The following MTUS2 variants were observed in gnomAD, a reference collection of about 807,000 sequenced individuals.
The protein encoded by MTUS2 is microtubule associated scaffold protein 2, also known as microtubule-associated tumor suppressor candidate 2.
Under a neutral mutation model 114.1 loss-of-function variants are expected in MTUS2, and 40 were observed. The observed-to-expected ratio is 0.35, with a 90% CI of 0.27 to 0.46. The LOEUF (loss-of-function observed/expected upper bound fraction) is 0.46. MTUS2 is among the 20% of genes least tolerant of loss of function. The pLI is 1.00. For missense variants in MTUS2, 1,679 were observed against 1,705.4 expected, an observed-to-expected ratio of 0.98 and a Z score of 0.27; for synonymous variants, 688 against 672.0, an observed-to-expected ratio of 1.02 and a Z score of -0.37.
At chr13:28,906,849 C>A (rs1049118830) in intron 2 of MTUS2, among the ~76,000 whole-genome samples, 1 of 151,552 alleles carries the variant, frequency 6.6e-6, no homozygotes, top group Non-Finnish European at 1.5e-5. Flanking sequence ...TCCAGGAGAA[C>A]TTCCCCAATC....
At chr13:29,259,030 G>T (rs1259252790) in intron 5 of MTUS2, among the ~76,000 whole-genome samples, 4 of 152,226 alleles carry the variant, frequency 2.6e-5, no homozygotes, top group Non-Finnish European at 5.9e-5. Flanking sequence ...TGAGTTCTAA[G>T]TTCTATGAAT....
At chr13:29,425,413 A>G (rs1324446858) in intron 8 of MTUS2, among the ~76,000 whole-genome samples, 4 of 152,082 alleles carry the variant, frequency 2.6e-5, no homozygotes, top group South Asian at 2.1e-4. Context: ...CTCAACAAAC[A>G]AACAAACAAA....
intron 8 of MTUS2, among the ~76,000 whole-genome samples, chr13:29,412,499 A>G (rs1257851811): frequency 2.0e-5 from 3 of 152,174 alleles, no homozygotes; most frequent in African/African-American, 4.8e-5. Flanking sequence ...ATCTGTATTC[A>G]TGAGTGACAT....
intron 5 of MTUS2, among the ~76,000 whole-genome samples, chr13:29,226,221 A>G (rs1247883647): frequency 6.6e-6 from 1 of 152,228 alleles, no homozygotes; most frequent in Non-Finnish European, 1.5e-5. Flanking sequence ...TAAAAGATAC[A>G]TGTTTAAAAG....
intron 2 of MTUS2, among the ~76,000 whole-genome samples, chr13:28,999,996 C>T (rs1213868641): frequency 6.6e-6 from 1 of 152,144 alleles, no homozygotes; most frequent in Non-Finnish European, 1.5e-5. Flanking sequence ...TGTATATCTA[C>T]CACATTTTCT....
Position 29,480,340 on chromosome 13 carries a change from C to A in MTUS2, c.3375C>A (p.Ser1125Arg). 6.5e-7 allele frequency: 1 copy of A among 1,541,978 alleles called. No individual in the cohort carries two copies. Among genetic ancestry groups the A allele is most frequent in the South Asian group, 1.2e-5 (1 of 81,746 alleles). ...LQEEHGDQLL[S>R]IRCQHQEQVE... The stretch of plus-strand genomic sequence containing the variant: ...AGGAGCACGGTGACCAGCTGCTGAG[C>A]ATCCGGTGTCAACACCAGGAGCAGG... Residue 1125 changes from serine (S) to arginine (R), a missense_variant, in exon 10 of 16, where the codon AGC (serine) becomes AGA (arginine). Transcript: ENST00000612955. The surrounding 1 kb of genome is among the most constrained non-coding windows in gnomAD (Gnocchi z 4.4).
intron 4 of MTUS2, among the ~76,000 whole-genome samples, chr13:29,056,718 C>G (rs531602157): frequency 6.6e-6 from 1 of 152,064 alleles, no homozygotes; most frequent in African/African-American, 2.4e-5. Context: ...ATTAATCTAG[C>G]TAGTGGTCTA....
intron 5 of MTUS2, among the ~76,000 whole-genome samples, chr13:29,121,624 G>A (rs1244449785): frequency 1.3e-5 from 2 of 151,406 alleles, no homozygotes; most frequent in East Asian, 3.9e-4. Context: ...TCAAATCCCT[G>A]CTCTGCTAGT....
chr13:29,474,327 A>G (rs1367432696), intron 9 of MTUS2, among the ~76,000 whole-genome samples: 1 of 152,224 alleles, frequency 6.6e-6, no homozygotes, highest in Non-Finnish European at 1.5e-5. Context: ...CCTATCACTG[A>G]CATGGATAAA....
intron 4 of MTUS2, among the ~76,000 whole-genome samples, chr13:29,036,895 A>G (rs995081680): frequency 6.7e-6 from 1 of 150,080 alleles, no homozygotes; most frequent in Admixed American, 6.6e-5. Context: ...TTTTGGGCCT[A>G]TGTGTGTCTT....
intron 5 of MTUS2, among the ~76,000 whole-genome samples, chr13:29,272,960 A>G (rs1336380086): frequency 6.6e-6 from 1 of 152,088 alleles, no homozygotes; most frequent in Non-Finnish European, 1.5e-5. Flanking sequence ...TTGTGTCCTC[A>G]TATGGCAGAA....
intron 5 of MTUS2, among the ~76,000 whole-genome samples, chr13:29,211,566 C>T (rs1439554225): frequency 7.9e-5 from 12 of 152,350 alleles, no homozygotes; most frequent in Non-Finnish European, 5.9e-5. Flanking sequence ...TCCCCAAGAA[C>T]TCCTGAGAGA....
chr13:29,473,084 A>T (rs1425927202), intron 9 of MTUS2, among the ~76,000 whole-genome samples: 1 of 152,186 alleles, frequency 6.6e-6, no homozygotes, highest in Non-Finnish European at 1.5e-5. Context: ...AGTGACCTAA[A>T]TATGTATAAT....
chr13:29,184,340 A>AT (rs1011324664), intron 5 of MTUS2, among the ~76,000 whole-genome samples: 1 of 152,028 alleles, frequency 6.6e-6, no homozygotes, highest in Admixed American at 6.5e-5. Context: ...CACTGTTCTG[A>AT]TTTTTTTTAA....
At chr13:29,349,359 T>G (rs1232429835) in intron 7 of MTUS2, among the ~76,000 whole-genome samples, 1 of 152,202 alleles carries the variant, frequency 6.6e-6, no homozygotes, top group East Asian at 1.9e-4. Flanking sequence ...ATATTTTGCT[T>G]CTACATATAT....
chr13:28,843,655 A>G (rs139389789), intron 2 of MTUS2, among the ~76,000 whole-genome samples: 1 of 152,344 alleles, frequency 6.6e-6, no homozygotes, highest in East Asian at 1.9e-4. Context: ...GTTGTCCTTT[A>G]TTAAATGATG....
intron 8 of MTUS2, among the ~76,000 whole-genome samples, chr13:29,361,817 A>G (rs1008121452): frequency 1.3e-5 from 2 of 152,318 alleles, no homozygotes; most frequent in African/African-American, 4.8e-5. Context: ...TCTTTGTTCT[A>G]CCAGTTAGAA....
At chr13:29,235,777 A>G (rs1296078374) in intron 5 of MTUS2, among the ~76,000 whole-genome samples, 1 of 152,176 alleles carries the variant, frequency 6.6e-6, no homozygotes, top group Non-Finnish European at 1.5e-5. Context: ...TTTTCTCTGT[A>G]CTGTTGGACT....
chr13:29,202,762 C>A (rs1159735856), intron 5 of MTUS2, among the ~76,000 whole-genome samples: 1 of 152,156 alleles, frequency 6.6e-6, no homozygotes, highest in Non-Finnish European at 1.5e-5. Context: ...ACAGTCAGGC[C>A]CCTCTACTGC....
Sources: allele counts gnomAD v4.1 joint callset (sites outside exome capture counted in the v4.1 genomes callset), GRCh38; gene constraint gnomAD v4.1.1; non-coding constraint Gnocchi (gnomAD v3.1); transcripts MANE v1.5; gene names NCBI Gene and HGNC (gene_info 2026-07-23, HGNC 2026-07-21).